Variants in ADGRA3 observed in about 807,000 individuals in gnomAD.
ADGRA3 encodes adhesion G protein-coupled receptor A3.
In ADGRA3, 56 loss-of-function variants were observed where a neutral mutation model predicts 119.8. That is an observed-to-expected ratio of 0.47 (90% CI 0.38 to 0.58). The LOEUF is 0.58. ADGRA3 is among the 20% of genes least tolerant of loss of function. ADGRA3 has a pLI of 0.00. For missense variants in ADGRA3, 1,516 were observed against 1,649.0 expected (o/e 0.92, Z 1.40); for synonymous variants, 607 against 623.8 (o/e 0.97, Z 0.40).
intron 9 of ADGRA3, among the ~76,000 whole-genome samples, chr4:22,436,202 A>C (rs968625812): frequency 8.5e-5 from 13 of 152,272 alleles, no homozygotes; most frequent in Admixed American, 7.8e-4. Context: ...CAGATTAAAA[A>C]AAAGATATTC....
intron 12 of ADGRA3, among the ~76,000 whole-genome samples, chr4:22,418,388 A>T (rs926225191): frequency 2.6e-5 from 4 of 152,258 alleles, no homozygotes; most frequent in African/African-American, 9.6e-5. Flanking sequence ...CAAGGGTGGG[A>T]GTGGAGAACT....
At position 22,442,698 on chromosome 4, in the gene ADGRA3, C is replaced by T. The variant is rs758909833; in HGVS notation, c.872G>A (p.Gly291Asp). ...AATCATGTTCTTTTCAACAAAAATACCTTGCGATTCATCGGTTTCAACTAT... is the reference window on the plus strand; with the variant it reads ...AATCATGTTCTTTTCAACAAAAATATCTTGCGATTCATCGGTTTCAACTAT... ...GRIVETDESQ[G>D]IFVEKNMIHN... is the part of the protein sequence containing the mutation. Residue 291 changes from glycine (G) to aspartate (D), a missense_variant, in exon 7 of 19, where the codon GGT becomes GAT. By Grantham distance (94) the Gly-to-Asp change is moderately conservative. Coordinates refer to ENST00000334304, the MANE Select transcript of ADGRA3 (RefSeq NM_145290.4). The T allele has an allele frequency of 1.7e-5, 28 of 1,613,164 alleles. No individual in the cohort carries two copies. The highest frequency in any genetic ancestry group is 2.3e-5 in the Non-Finnish European group (27 of 1,179,700).
chr4:22,446,071 A>C (rs958063829), intron 5 of ADGRA3, among the ~76,000 whole-genome samples: 2 of 152,228 alleles, frequency 1.3e-5, no homozygotes, highest in African/African-American at 4.8e-5. Context: ...CTATAAAAAT[A>C]AATCAACAAA....
At chr4:22,466,168 C>A (rs1196515677) in intron 2 of ADGRA3, among the ~76,000 whole-genome samples, 1 of 152,182 alleles carries the variant, frequency 6.6e-6, no homozygotes, top group Non-Finnish European at 1.5e-5. Flanking sequence ...CCCGTGGTCC[C>A]AGCCTTGCCC....
chr4:22,489,778 A>C (rs1039909985), intron 1 of ADGRA3, among the ~76,000 whole-genome samples: 3 of 152,210 alleles, frequency 2.0e-5, no homozygotes, highest in African/African-American at 7.2e-5. Context: ...TGCCTTCCCA[A>C]ACCATCTACA....
intron 2 of ADGRA3, among the ~76,000 whole-genome samples, chr4:22,466,135 C>T (rs528174878): frequency 5.9e-5 from 9 of 152,290 alleles, no homozygotes; most frequent in African/African-American, 1.9e-4. Flanking sequence ...AGTTCAGGTG[C>T]GTTAAGGTAA....
intron 17 of ADGRA3, among the ~76,000 whole-genome samples, chr4:22,391,375 C>T (rs1301206856): frequency 1.3e-5 from 2 of 152,086 alleles, no homozygotes; most frequent in African/African-American, 4.8e-5. Context: ...AAACACCCTC[C>T]GTCAAGGCAC....
At chr4:22,507,842 A>AT (rs887732738) in intron 1 of ADGRA3, among the ~76,000 whole-genome samples, 14 of 152,230 alleles carry the variant, frequency 9.2e-5, no homozygotes, top group Admixed American at 8.5e-4. Context: ...TGCCACACAC[A>AT]TAAGATCAAG....
chr4:22,496,348 A>C (rs550625239), intron 1 of ADGRA3, among the ~76,000 whole-genome samples: 2 of 152,346 alleles, frequency 1.3e-5, no homozygotes, highest in South Asian at 2.1e-4. Context: ...AGGGATAATC[A>C]TAATGATCTC....
At chr4:22,469,702 A>C (rs141572093) in intron 2 of ADGRA3, among the ~76,000 whole-genome samples, 11 of 152,296 alleles carry the variant, frequency 7.2e-5, no homozygotes, top group African/African-American at 2.6e-4. Flanking sequence ...GATGCACATG[A>C]AGTTTGATAA....
At chr4:22,447,414 AAAG>A (rs1237924781) in intron 5 of ADGRA3, 23 bp downstream of exon 5, 4 of 1,360,950 alleles carry the variant, frequency 2.9e-6, no homozygotes, top group East Asian at 2.4e-5. Context: ...TCAAAAAAAA[AAAG>A]AGAGAAAAAA....
intron 6 of ADGRA3, among the ~76,000 whole-genome samples, chr4:22,443,676 T>C (rs1716714057): frequency 6.6e-6 from 1 of 152,146 alleles, no homozygotes; most frequent in Admixed American, 6.5e-5. Flanking sequence ...AGAAAATACA[T>C]TTACATTAAT....
chr4:22,398,522 C>A (rs1287746836), intron 16 of ADGRA3, among the ~76,000 whole-genome samples: 3 of 152,068 alleles, frequency 2.0e-5, no homozygotes, highest in African/African-American at 7.2e-5. Flanking sequence ...CCTATTATAT[C>A]CTCTGTATCA....
rs1210780380 is a variant in ADGRA3, at chr4:22,441,055, G to A, written c.920+1595C>T. On this transcript the variant is annotated intron_variant, in intron 7 of 18. Coordinates refer to ENST00000334304, the MANE Select transcript of ADGRA3 (RefSeq NM_145290.4). ...AAAAGCAGGCAATAACTGAACAGGAGTTGATATGAGAAACAAGGGTTTTTG... is the reference window on the plus strand; with the variant it reads ...AAAAGCAGGCAATAACTGAACAGGAATTGATATGAGAAACAAGGGTTTTTG... Among the ~76,000 whole-genome samples the A allele has an allele frequency of 2.6e-5, 4 of 152,138 alleles. No homozygotes were observed. In the East Asian group the frequency reaches 5.8e-4, roughly 22 times the overall value.
intron 8 of ADGRA3, among the ~76,000 whole-genome samples, chr4:22,437,434 AG>A (rs1716439234): frequency 6.6e-6 from 1 of 152,202 alleles, no homozygotes; most frequent in Non-Finnish European, 1.5e-5. Flanking sequence ...AACCCATTAG[AG>A]ACAATGCAAA....
intron 16 of ADGRA3, among the ~76,000 whole-genome samples, chr4:22,398,315 G>A (rs146387350): frequency 9.9e-4 from 150 of 152,154 alleles, no homozygotes; most frequent in Middle Eastern, 6.8e-3. Context: ...TGGATCTCAG[G>A]TATACAATAT....
intron 1 of ADGRA3, among the ~76,000 whole-genome samples, chr4:22,483,558 T>C (rs1030718437): frequency 4.6e-5 from 7 of 152,212 alleles, no homozygotes; most frequent in African/African-American, 1.7e-4. Flanking sequence ...TGTCCTAAGA[T>C]ACTTTTTCTA....
chr4:22,498,409 A>G (rs1420790283), intron 1 of ADGRA3, among the ~76,000 whole-genome samples: 3 of 150,942 alleles, frequency 2.0e-5, no homozygotes, highest in Non-Finnish European at 2.9e-5. Context: ...ACCTGAGGTC[A>G]GGAGTTCAAG....
intron 16 of ADGRA3, chr4:22,394,092 T>G (rs1560294048): frequency 6.6e-6 from 1 of 152,282 alleles, no homozygotes; most frequent in East Asian, 1.9e-4. Context: ...ACCAGTAACT[T>G]GCTTTTTTTT....
Sources: gnomAD v4.1 joint callset for allele counts (sites outside exome capture counted in the v4.1 genomes callset) on GRCh38, gnomAD v4.1.1 for gene constraint, MANE v1.5 for transcripts, NCBI Gene and HGNC (gene_info 2026-07-23, HGNC 2026-07-21) for gene names.